The following PXDNL variants were observed in gnomAD, a reference collection of about 807,000 sequenced individuals.
PXDNL encodes probable oxidoreductase PXDNL.
PXDNL carries 145 observed loss-of-function variants against 150.8 expected under a neutral mutation model. The ratio of observed to expected loss-of-function variants is 0.96; its 90% CI spans 0.84 to 1.10. The LOEUF (loss-of-function observed/expected upper bound fraction) is 1.10, where lower values mean the gene tolerates loss of function less well. Among genes scored for constraint, PXDNL ranks in the 50% least tolerant of loss-of-function variants. The pLI is 0.00. For missense variants in PXDNL, 2,087 were observed against 1,873.9 expected (o/e 1.11, Z -2.10); for synonymous variants, 757 against 725.7 (o/e 1.04, Z -0.69).
At chr8:51,725,990 A>G (rs1215339662) in intron 1 of PXDNL, among the ~76,000 whole-genome samples, 2 of 152,268 alleles carry the variant, frequency 1.3e-5, no homozygotes, top group Non-Finnish European at 2.9e-5. Flanking sequence ...CCTTGATAAA[A>G]TCACTTCAGT....
At chr8:51,633,248 G>A (rs1814529241) in intron 2 of PXDNL, among the ~76,000 whole-genome samples, 1 of 152,172 alleles carries the variant, frequency 6.6e-6, no homozygotes, top group Non-Finnish European at 1.5e-5. Context: ...TTTTGTGGAT[G>A]CATAGTAGTC....
chr8:51,598,005 C>A (rs1372463654), intron 2 of PXDNL, among the ~76,000 whole-genome samples: 1 of 152,052 alleles, frequency 6.6e-6, no homozygotes, highest in Admixed American at 6.6e-5. Context: ...TGAGCCACTG[C>A]GTCTGGCCTA....
Position 51,433,202 on chromosome 8 carries a change from C to T in PXDNL, c.1526-6444G>A, listed in dbSNP as rs1024892740. On this transcript the variant is annotated intron_variant, in intron 12 of 22. Coordinates refer to ENST00000356297, the MANE Select transcript of PXDNL (RefSeq NM_144651.5). ...CCAGCCTGGGTGACAGAGTAAGACTCTATCTCAAATAATAATAATAATAAT... is the reference window on the plus strand; with the variant it reads ...CCAGCCTGGGTGACAGAGTAAGACTTTATCTCAAATAATAATAATAATAAT... Among the ~76,000 whole-genome samples, 9 of 142,120 alleles carry T rather than the reference C, an allele frequency of 6.3e-5. No individual in the cohort carries two copies. The East Asian group carries it at 1.8e-3, about 28-fold the overall frequency. 93.2% of individuals were successfully genotyped at this position (142,120 alleles called of 152,430 possible).
At chr8:51,449,656 G>C (rs1427464753) in intron 10 of PXDNL, among the ~76,000 whole-genome samples, 1 of 152,120 alleles carries the variant, frequency 6.6e-6, no homozygotes, top group Non-Finnish European at 1.5e-5. Context: ...TATTGCTTTT[G>C]TATAAATAAG....
At chr8:51,671,471 A>G (rs1371573033) in intron 1 of PXDNL, among the ~76,000 whole-genome samples, 2 of 152,216 alleles carry the variant, frequency 1.3e-5, no homozygotes, top group Non-Finnish European at 2.9e-5. Flanking sequence ...TACAAAATCT[A>G]TTTAAAAAAA....
chr8:51,575,788 G>A (rs1487094781), intron 3 of PXDNL, among the ~76,000 whole-genome samples: 1 of 151,910 alleles, frequency 6.6e-6, no homozygotes, highest in African/African-American at 2.4e-5. Flanking sequence ...AGAAAAATGA[G>A]TTCAAGTAAA....
chr8:51,643,274 C>G (rs571561158), intron 2 of PXDNL, among the ~76,000 whole-genome samples: 11 of 152,156 alleles, frequency 7.2e-5, no homozygotes, highest in Admixed American at 2.0e-4. Flanking sequence ...GAGGCATCAC[C>G]CTACCTGACT....
Position 51,362,145 on chromosome 8 carries a change from T to A in PXDNL, c.3901+9728A>T, listed in dbSNP as rs28393205. On this transcript the variant is annotated intron_variant, in intron 19 of 22. Transcript: ENST00000356297. ...TGATAAGAAAATATCTGTTAACATT[T>A]TGGTTTAGTTATTATTCTGCCCCAA... Among the ~76,000 whole-genome samples, 502 of 152,270 alleles carry A rather than the reference T, an allele frequency of 3.3e-3. 4 individuals are homozygous for A. The highest frequency in any genetic ancestry group is 0.012 in the African/African-American group (485 of 41,558).
At chr8:51,587,311 C>T (rs1289346935) in intron 3 of PXDNL, among the ~76,000 whole-genome samples, 2 of 152,128 alleles carry the variant, frequency 1.3e-5, no homozygotes, top group Non-Finnish European at 2.9e-5. Context: ...GCTCTTAGAT[C>T]TTCAAGAAAT....
chr8:51,763,290 T>A (rs1230603632), intron 1 of PXDNL, among the ~76,000 whole-genome samples: 7 of 151,268 alleles, frequency 4.6e-5, no homozygotes, highest in Non-Finnish European at 1.5e-5. Context: ...ACCTGCACAT[T>A]GTGCACATGT....
intron 21 of PXDNL, among the ~76,000 whole-genome samples, chr8:51,328,798 G>A (rs551351952): frequency 5.9e-5 from 9 of 152,272 alleles, no homozygotes; most frequent in Admixed American, 4.6e-4. Context: ...TCTCATTGAA[G>A]AGATCCAAGA....
chr8:51,654,785 C>T (rs541486960), intron 1 of PXDNL, 25 bp from the exon 2 acceptor site: 51 of 1,572,524 alleles, frequency 3.2e-5, no homozygotes, highest in African/African-American at 8.1e-5. Context: ...AGGTGAAGAA[C>T]GATTATAATA....
intron 11 of PXDNL, among the ~76,000 whole-genome samples, chr8:51,448,317 C>CT (rs1189617554): frequency 6.6e-6 from 1 of 152,172 alleles, no homozygotes; most frequent in Non-Finnish European, 1.5e-5. Context: ...AACAGCAGCT[C>CT]TTTTTTGGAG....
At chr8:51,754,935 C>T (rs1254674132) in intron 1 of PXDNL, among the ~76,000 whole-genome samples, 2 of 152,210 alleles carry the variant, frequency 1.3e-5, no homozygotes, top group African/African-American at 4.8e-5. Flanking sequence ...GTGGCCTATA[C>T]TGGCCTCAAA....
intron 1 of PXDNL, among the ~76,000 whole-genome samples, chr8:51,754,613 C>G (rs1009720340): frequency 6.6e-6 from 1 of 152,126 alleles, no homozygotes; most frequent in African/African-American, 2.4e-5. Context: ...ATTCCATTCT[C>G]CTGCCTCAGC....
At chr8:51,512,051 C>G (rs1237954445) in intron 4 of PXDNL, among the ~76,000 whole-genome samples, 1 of 152,176 alleles carries the variant, frequency 6.6e-6, no homozygotes, top group Admixed American at 6.5e-5. Context: ...GTGAACAATG[C>G]TCGACAGATC....
chr8:51,778,251 G>A (rs574586774), intron 1 of PXDNL, among the ~76,000 whole-genome samples: 1 of 148,854 alleles, frequency 6.7e-6, no homozygotes, highest in African/African-American at 2.5e-5. Flanking sequence ...TTGCACCCCA[G>A]CCTGGGTGAC....
chr8:51,684,577 G>C (rs986003957), intron 1 of PXDNL, among the ~76,000 whole-genome samples: 1 of 152,198 alleles, frequency 6.6e-6, no homozygotes, highest in East Asian at 1.9e-4. Flanking sequence ...CATGCAAAAG[G>C]AATTTTGGAG....
chr8:51,718,425 C>T (rs1252581810), intron 1 of PXDNL, among the ~76,000 whole-genome samples: 1 of 152,210 alleles, frequency 6.6e-6, no homozygotes, highest in Non-Finnish European at 1.5e-5. Flanking sequence ...TAGAAGTTAT[C>T]TGTAATTCAA....
Sources: allele counts gnomAD v4.1 joint callset (sites outside exome capture counted in the v4.1 genomes callset), GRCh38; gene constraint gnomAD v4.1.1; transcripts MANE v1.5; gene names NCBI Gene and HGNC (gene_info 2026-07-23, HGNC 2026-07-21).